ASH1L: variants seen among roughly 807,000 people sequenced by gnomAD.
ASH1L encodes ASH1 like histone lysine methyltransferase.
Under a neutral mutation model 269.0 loss-of-function variants are expected in ASH1L, and 23 were observed. The observed-to-expected ratio is 0.09, with a 90% CI of 0.06 to 0.12. The LOEUF (loss-of-function observed/expected upper bound fraction) is 0.12. ASH1L is among the 10% of genes least tolerant of loss of function. The pLI is 1.00. For synonymous variants in ASH1L, 1,187 were observed against 1,253.5 expected (o/e 0.95, Z 1.12); for missense variants, 2,912 against 3,567.8 (o/e 0.82, Z 4.68).
At chr1:155,516,587 G>T (rs1668517126) in intron 2 of ASH1L, among the ~76,000 whole-genome samples, 1 of 152,016 alleles carries the variant, frequency 6.6e-6, no homozygotes, top group Non-Finnish European at 1.5e-5. Flanking sequence ...GAGGTCAGAA[G>T]TTCAAGACCA....
Position 155,478,223 on chromosome 1 carries a change from T to C in ASH1L, c.4647A>G (p.Leu1549=). 6.2e-7 allele frequency: 1 copy of C among 1,614,092 alleles called. No homozygotes were observed. Among genetic ancestry groups the C allele is most frequent in the Non-Finnish European group, 8.5e-7 (1 of 1,180,006 alleles). Reference sequence around the variant, plus strand: ...GGACCCACTGTTCCTCTCTGTTTATTAAGCTTTTTGAAGGAGAGAGATGAG... The same window carrying C: ...GGACCCACTGTTCCTCTCTGTTTATCAAGCTTTTTGAAGGAGAGAGATGAG... The part of the protein sequence containing the change: ...SCPHLSPSKS[L]INREEQWVHR... The change falls in exon 3 of 28, where the codon TTA becomes TTG. Residue 1549 remains leucine (L), a synonymous_variant. Transcript: ENST00000392403. This position sits in a 1 kb window ranked among gnomAD's most constrained non-coding sequence, Gnocchi z 4.6.
intron 2 of ASH1L, among the ~76,000 whole-genome samples, chr1:155,498,807 A>G (rs1434418676): frequency 1.3e-5 from 2 of 151,948 alleles, no homozygotes; most frequent in East Asian, 3.9e-4. Context: ...GCTGGTCTTG[A>G]ACTCCTTGGC....
intron 6 of ASH1L, among the ~76,000 whole-genome samples, chr1:155,413,985 G>A (rs1660009488): frequency 6.6e-6 from 1 of 152,096 alleles, no homozygotes; most frequent in Admixed American, 6.6e-5. Flanking sequence ...TAAAAATTTT[G>A]TGATATCTAC....
At chr1:155,372,237 C>T (rs1166563551) in intron 10 of ASH1L, among the ~76,000 whole-genome samples, 1 of 151,932 alleles carries the variant, frequency 6.6e-6, no homozygotes, top group South Asian at 2.1e-4. Flanking sequence ...AATGATCCAC[C>T]CACCTCAGCC....
At chr1:155,426,103 C>T (rs1037174197) in intron 5 of ASH1L, among the ~76,000 whole-genome samples, 2 of 151,808 alleles carry the variant, frequency 1.3e-5, no homozygotes, top group African/African-American at 4.8e-5. Context: ...CTCACTCTGT[C>T]ACCCAGGCTG....
Position 155,481,601 on chromosome 1 carries a change from G to A in ASH1L, c.1269C>T (p.Asn423=). ...TGGGGAGCAGTGCTTCGGCTTTAAG[G>A]TTTATGGCATCTTTACTGATCAGAC... ...LAGLISKDAI[N]LKAEALLPTQ... is the part of the protein sequence containing the mutation. The change falls in exon 3 of 28, where the codon AAC becomes AAT. Residue 423 remains asparagine, a synonymous_variant. Coordinates refer to ENST00000392403, the MANE Select transcript of ASH1L (RefSeq NM_018489.3). 4 of 1,614,136 alleles carry A rather than the reference G, an allele frequency of 2.5e-6. No homozygotes were observed. Among genetic ancestry groups the A allele is most frequent in the South Asian group, 2.2e-5 (2 of 91,082 alleles).
rs1394746886 is a variant in ASH1L, at chr1:155,343,290, T to A, written c.8293+24A>T. 13 of 1,596,228 alleles carry A rather than the reference T, an allele frequency of 8.1e-6. No homozygotes were observed. The highest frequency in any genetic ancestry group is 1.7e-4 in the Middle Eastern group (1 of 5,962). ...GCCACTGCACTTGGCCGAGGTCATT[T>A]TTTAACTAGCCCAGATCACTTACCT... On this transcript the variant is annotated intron_variant, in intron 24 of 27. Transcript: ENST00000392403. This position sits in a 1 kb window ranked among gnomAD's most constrained non-coding sequence, Gnocchi z 6.1.
chr1:155,363,044 C>T (rs150808499), intron 12 of ASH1L, among the ~76,000 whole-genome samples: 2,631 of 152,092 alleles, frequency 0.017, 39 homozygotes, highest in Middle Eastern at 0.041. Context: ...AGTGTAATGG[C>T]GGGAACTTGG....
At chr1:155,546,638 G>A (rs1208145409) in intron 1 of ASH1L, among the ~76,000 whole-genome samples, 1 of 151,504 alleles carries the variant, frequency 6.6e-6, no homozygotes, top group African/African-American at 2.4e-5. Context: ...CATGCCTGTA[G>A]TCCCAGCTAC....
In ASH1L at chr1:155,562,374, C is replaced by G. The variant is rs1437830771; in HGVS notation, c.-321G>C. On this transcript the variant is annotated 5_prime_UTR_variant, in exon 1 of 28. Coordinates refer to ENST00000392403, the MANE Select transcript of ASH1L (RefSeq NM_018489.3). Reference sequence around the variant, plus strand: ...ACTGAGGGGAGGCGGGTCCCGCAACCGAGACTGGGATCGTCTCCCCTCCGC... The same window carrying G: ...ACTGAGGGGAGGCGGGTCCCGCAACGGAGACTGGGATCGTCTCCCCTCCGC... The G allele has an allele frequency of 2.0e-6, 3 of 1,512,882 alleles. No individual in the cohort carries two copies. The Admixed American group carries it at 5.8e-5, about 29-fold the overall frequency. 93.7% of individuals were successfully genotyped at this position (1,512,882 alleles called of 1,614,324 possible). A position where few individuals can be genotyped will look rare whatever the true frequency, so the allele number is the denominator to read the frequency against.
At chr1:155,394,771 A>C (rs1163427726) in intron 7 of ASH1L, among the ~76,000 whole-genome samples, 1 of 152,168 alleles carries the variant, frequency 6.6e-6, no homozygotes, top group African/African-American at 2.4e-5. Flanking sequence ...TCCACTTTCA[A>C]GCAGATAAAT....
At chr1:155,562,950 C>G (rs971695111), upstream of ASH1L, 4 of 457,438 alleles carry the variant, frequency 8.7e-6, no homozygotes, top group African/African-American at 6.0e-5. Context: ...CAATCCCCCC[C>G]GCGGGACTGT....
At chr1:155,509,864 T>C (rs532262781) in intron 2 of ASH1L, among the ~76,000 whole-genome samples, 1 of 152,112 alleles carries the variant, frequency 6.6e-6, no homozygotes, top group South Asian at 2.1e-4. Flanking sequence ...GAGATAAATT[T>C]GGAACCATAA....
chr1:155,422,165 T>G (rs1660739084), intron 5 of ASH1L, among the ~76,000 whole-genome samples: 1 of 152,080 alleles, frequency 6.6e-6, no homozygotes, highest in African/African-American at 2.4e-5. Context: ...TGAGTCAGAG[T>G]CTCATTCCGT....
In ASH1L at chr1:155,481,760, T is replaced by C. The variant is rs781097718; in HGVS notation, c.1110A>G (p.Lys370=). Residue 370 remains lysine, a synonymous_variant, in exon 3 of 28, where the codon AAA becomes AAG. Transcript: ENST00000392403. ...GLGTVVGLVN[K]DLGKKLGSTV... The stretch of plus-strand genomic sequence containing the variant: ...TAGAACCCAATTTCTTTCCCAAATC[T>C]TTATTAACCAGTCCAACCACAGTGC... The C allele has an allele frequency of 6.2e-7, 1 of 1,614,222 alleles. No homozygotes were observed. Among genetic ancestry groups the C allele is most frequent in the Non-Finnish European group, 8.5e-7 (1 of 1,180,036 alleles).
At chr1:155,469,710 A>G (rs1037578400) in intron 3 of ASH1L, among the ~76,000 whole-genome samples, 1 of 152,154 alleles carries the variant, frequency 6.6e-6, no homozygotes, top group Non-Finnish European at 1.5e-5. Context: ...ACTTAATCAC[A>G]TCATCTCTAC....
chr1:155,498,307 C>T (rs1231886820), intron 2 of ASH1L, among the ~76,000 whole-genome samples: 3 of 151,968 alleles, frequency 2.0e-5, no homozygotes, highest in South Asian at 2.1e-4. Flanking sequence ...TAGAGAAGAA[C>T]GGATGGTGAG....
rs1324602498 is a variant in ASH1L, at chr1:155,478,172, T to A, written c.4698A>T (p.Pro1566=). The A allele has an allele frequency of 6.2e-7, 1 of 1,614,142 alleles. No homozygotes were observed. The highest frequency in any genetic ancestry group is 8.5e-7 in the Non-Finnish European group (1 of 1,180,020). Residue 1566 remains proline, a synonymous_variant, in exon 3 of 28, where the codon CCA becomes CCT. Transcript: ENST00000392403. This position sits in a 1 kb window ranked among gnomAD's most constrained non-coding sequence, Gnocchi z 4.6. ...AAGGTGTCTGCAATCCCAAGGCCAA[T>A]GGACTAGATTCTGAAGGCTCTCGGT... ...WVHREPSESS[P]LALGLQTPLQ...
chr1:155,369,102 T>C (rs1655694377), intron 12 of ASH1L, among the ~76,000 whole-genome samples: 1 of 152,146 alleles, frequency 6.6e-6, no homozygotes, highest in South Asian at 2.1e-4. Flanking sequence ...GTGTTGGTTA[T>C]ATGGGTGTAT....
Sources: allele counts gnomAD v4.1 joint callset (sites outside exome capture counted in the v4.1 genomes callset), GRCh38; gene constraint gnomAD v4.1.1; non-coding constraint Gnocchi (gnomAD v3.1); transcripts MANE v1.5; gene names NCBI Gene and HGNC (gene_info 2026-07-23, HGNC 2026-07-21).